KIF26B: variants seen among roughly 807,000 people sequenced by gnomAD.
KIF26B encodes kinesin-like protein KIF26B.
Under a neutral mutation model 151.2 loss-of-function variants are expected in KIF26B, and 63 were observed. The observed-to-expected ratio is 0.42, with a 90% CI of 0.34 to 0.51. The LOEUF (loss-of-function observed/expected upper bound fraction) is 0.51, where lower values mean the gene tolerates loss of function less well. KIF26B is among the 20% of genes least tolerant of loss of function. The pLI is 0.07. For synonymous variants in KIF26B, 1,357 were observed against 1,262.1 expected, an observed-to-expected ratio of 1.08 and a Z score of -1.59; for missense variants, 2,813 against 2,913.6, an observed-to-expected ratio of 0.97 and a Z score of 0.79.
chr1:245,203,234 G>A (rs1362489983), intron 2 of KIF26B, among the ~76,000 whole-genome samples: 8 of 61,992 alleles, frequency 1.3e-4, no homozygotes, highest in African/African-American at 5.7e-4. Flanking sequence ...GTGACAGAGC[G>A]CGACTCTGTC....
At chr1:245,422,966 G>A (rs1417037056) in intron 4 of KIF26B, among the ~76,000 whole-genome samples, 2 of 152,082 alleles carry the variant, frequency 1.3e-5, no homozygotes, top group Admixed American at 6.5e-5. Context: ...GGGCATGGTG[G>A]TGCATGTCTA....
chr1:245,359,527 T>C (rs1672769664), intron 2 of KIF26B, among the ~76,000 whole-genome samples: 1 of 152,172 alleles, frequency 6.6e-6, no homozygotes, highest in African/African-American at 2.4e-5. Context: ...AATGAACGCC[T>C]CTTGGAGTGT....
At chr1:245,299,562 G>T (rs1026123513) in intron 2 of KIF26B, among the ~76,000 whole-genome samples, 4 of 152,074 alleles carry the variant, frequency 2.6e-5, no homozygotes, top group Admixed American at 2.6e-4. Flanking sequence ...TATTACTTTT[G>T]CATAAAAAAC....
intron 10 of KIF26B, among the ~76,000 whole-genome samples, chr1:245,662,384 CATATATATATA>C (rs2044157134): frequency 2.8e-5 from 2 of 71,676 alleles, no homozygotes; most frequent in African/African-American, 5.2e-5. Flanking sequence ...ACACACACAC[CATATATATATA>C]CACACACATA....
At chr1:245,330,972 C>T (rs1466639415) in intron 2 of KIF26B, among the ~76,000 whole-genome samples, 1 of 151,892 alleles carries the variant, frequency 6.6e-6, no homozygotes, top group Admixed American at 6.5e-5. Flanking sequence ...AAGTAAGGAA[C>T]GGGGGCGGTT....
At chr1:245,543,678 G>A (rs972732152) in intron 5 of KIF26B, among the ~76,000 whole-genome samples, 3 of 152,180 alleles carry the variant, frequency 2.0e-5, no homozygotes, top group Non-Finnish European at 2.9e-5. Context: ...GGCTGGGCGC[G>A]GTGGCTCACG....
At chr1:245,684,446 C>T (rs12040925) in intron 11 of KIF26B, 51 bp downstream of exon 11, 58,618 of 1,513,452 alleles carry the variant, frequency 0.039, 3,152 homozygotes, top group East Asian at 0.3. Context: ...CCTTTGGAGC[C>T]GTGCCCTGGA....
chr1:245,217,741 G>A (rs1238417688), intron 2 of KIF26B, among the ~76,000 whole-genome samples: 1 of 151,936 alleles, frequency 6.6e-6, no homozygotes, highest in South Asian at 2.1e-4. Flanking sequence ...CGCCTTGCTC[G>A]CCAAGAGTCC....
chr1:245,539,706 G>A (rs1180268902), intron 4 of KIF26B, among the ~76,000 whole-genome samples: 1 of 152,158 alleles, frequency 6.6e-6, no homozygotes, highest in African/African-American at 2.4e-5. Flanking sequence ...AGCCTGGAGA[G>A]CAGTGGCGCT....
intron 3 of KIF26B, among the ~76,000 whole-genome samples, chr1:245,409,969 C>A (rs1674235720): frequency 6.6e-6 from 1 of 152,208 alleles, no homozygotes; most frequent in South Asian, 2.1e-4. Flanking sequence ...CACCCCAGCT[C>A]TGGAATACTA....
intron 4 of KIF26B, among the ~76,000 whole-genome samples, chr1:245,476,749 C>A (rs553004054): frequency 2.0e-5 from 3 of 151,676 alleles, no homozygotes; most frequent in African/African-American, 7.2e-5. Context: ...CTGGTCTGAA[C>A]TCTTGGGCTC....
chr1:245,325,488 C>A (rs933174339), intron 2 of KIF26B, among the ~76,000 whole-genome samples: 2 of 152,160 alleles, frequency 1.3e-5, no homozygotes, highest in Non-Finnish European at 2.9e-5. Context: ...CCGAGGCAGG[C>A]AGATCACCTG....
chr1:245,415,502 G>T (rs1336475748), intron 3 of KIF26B, among the ~76,000 whole-genome samples: 2 of 152,082 alleles, frequency 1.3e-5, no homozygotes, highest in Admixed American at 1.3e-4. Flanking sequence ...GCACTCCAAA[G>T]ACCTGCATAC....
intron 2 of KIF26B, among the ~76,000 whole-genome samples, chr1:245,262,723 G>A (rs1670670645): frequency 6.6e-6 from 1 of 152,140 alleles, no homozygotes; most frequent in South Asian, 2.1e-4. Flanking sequence ...CCAAAGTGCT[G>A]GGATTACAGG....
chr1:245,468,393 A>AG lies in KIF26B; in HGVS notation c.1166+48650dup, dbSNP rs72120304. Among the ~76,000 whole-genome samples, 858 of 152,254 alleles carry AG rather than the reference A, an allele frequency of 5.6e-3. 5 individuals carry two copies. The highest frequency in any genetic ancestry group is 9.0e-3 in the Non-Finnish European group (614 of 68,022). ...CTTCCCAGACACCTCATTGCCTCTGAGGATTCTCTTCCCTTCACTCTCATC... is the reference window on the plus strand; with the variant it reads ...CTTCCCAGACACCTCATTGCCTCTGAGGGATTCTCTTCCCTTCACTCTCATC... On this transcript the variant is annotated intron_variant, in intron 4 of 14. Transcript: ENST00000407071.
chr1:245,555,557 G>A (rs1347004194), intron 5 of KIF26B, among the ~76,000 whole-genome samples: 6 of 152,180 alleles, frequency 3.9e-5, no homozygotes, highest in Non-Finnish European at 7.3e-5. Flanking sequence ...CTGCTCAGAT[G>A]AAGGGGGTGC....
chr1:245,411,127 A>T (rs1674271109), intron 3 of KIF26B, among the ~76,000 whole-genome samples: 1 of 152,212 alleles, frequency 6.6e-6, no homozygotes, highest in African/African-American at 2.4e-5. Flanking sequence ...AAACCAAAAC[A>T]TGTCTTGCTG....
chr1:245,318,817 G>A lies in KIF26B; in HGVS notation c.466-48017G>A, dbSNP rs1261765736. 6.6e-6 allele frequency among the ~76,000 whole-genome samples: 1 copy of A among 151,878 alleles called. No individual in the cohort carries two copies. The highest frequency in any genetic ancestry group is 6.6e-5 in the Admixed American group (1 of 15,234). ...ATGAGACAAGATCTAACTAAACAGAGTAAAGAGTTTCTCGGTCACAAGGGA... is the reference window on the plus strand; with the variant it reads ...ATGAGACAAGATCTAACTAAACAGAATAAAGAGTTTCTCGGTCACAAGGGA... On this transcript the variant is annotated intron_variant, in intron 2 of 14. Transcript: ENST00000407071. The surrounding 1 kb of genome is among the most constrained non-coding windows in gnomAD (Gnocchi z 4.0).
At chr1:245,554,541 G>C (rs1000209532) in intron 5 of KIF26B, among the ~76,000 whole-genome samples, 32 of 152,024 alleles carry the variant, frequency 2.1e-4, no homozygotes, top group African/African-American at 6.8e-4. Flanking sequence ...CTATCAGAAA[G>C]AGTTAAAAAT....
Sources: gnomAD v4.1 joint callset for allele counts (sites outside exome capture counted in the v4.1 genomes callset) on GRCh38, gnomAD v4.1.1 for gene constraint, Gnocchi (gnomAD v3.1) non-coding constraint, MANE v1.5 for transcripts, NCBI Gene and HGNC (gene_info 2026-07-23, HGNC 2026-07-21) for gene names.